The following MAP2K4 variants were observed in gnomAD, a reference collection of about 807,000 sequenced individuals.
MAP2K4 encodes the protein dual specificity mitogen-activated protein kinase kinase 4.
In MAP2K4, 4 loss-of-function variants were observed where a neutral mutation model predicts 48.5. The ratio of observed to expected loss-of-function variants is 0.08; its 90% CI spans 0.04 to 0.19. The LOEUF (loss-of-function observed/expected upper bound fraction) is 0.19, where lower values mean the gene tolerates loss of function less well. MAP2K4 is among the 10% of genes least tolerant of loss of function. The pLI is 1.00. For missense variants in MAP2K4, 258 were observed against 493.3 expected, an observed-to-expected ratio of 0.52 and a Z score of 4.52; for synonymous variants, 166 against 173.1, an observed-to-expected ratio of 0.96 and a Z score of 0.32.
At chr17:12,029,609 G>A (rs1370400640) in intron 1 of MAP2K4, among the ~76,000 whole-genome samples, 1 of 152,074 alleles carries the variant, frequency 6.6e-6, no homozygotes, top group East Asian at 1.9e-4. Context: ...AAGTGAATAG[G>A]AAGTCAGAAT....
intron 2 of MAP2K4, among the ~76,000 whole-genome samples, chr17:12,076,275 A>T (rs1213752978): frequency 1.6e-5 from 2 of 121,768 alleles, no homozygotes; most frequent in Non-Finnish European, 3.5e-5. Context: ...ATTATGTCAC[A>T]GTTCTGTGTG....
At chr17:12,028,341 A>G (rs1026703632) in intron 1 of MAP2K4, among the ~76,000 whole-genome samples, 1 of 152,226 alleles carries the variant, frequency 6.6e-6, no homozygotes, top group African/African-American at 2.4e-5. Context: ...GGATGATTCT[A>G]ACAACCTGGA....
intron 3 of MAP2K4, among the ~76,000 whole-genome samples, chr17:12,094,017 A>G (rs1209145485): frequency 6.6e-6 from 1 of 152,236 alleles, no homozygotes; most frequent in East Asian, 1.9e-4. Context: ...TTGATTTAAA[A>G]GTAAGATTAT....
At chr17:12,036,293 T>C (rs1342401056) in intron 1 of MAP2K4, among the ~76,000 whole-genome samples, 1 of 152,198 alleles carries the variant, frequency 6.6e-6, no homozygotes, top group Non-Finnish European at 1.5e-5. Context: ...TGTAGAGTTA[T>C]AAGTGTAGAG....
At chr17:12,089,213 A>G (rs10432017) in intron 3 of MAP2K4, among the ~76,000 whole-genome samples, 143,444 of 152,186 alleles carry the variant, frequency 0.94, 68,178 homozygotes, top group East Asian at 1. Flanking sequence ...TGCCTGGCTC[A>G]GAATACAGAT....
intron 1 of MAP2K4, among the ~76,000 whole-genome samples, chr17:12,023,028 T>C (rs1171394824): frequency 6.6e-6 from 1 of 152,164 alleles, no homozygotes; most frequent in Non-Finnish European, 1.5e-5. Context: ...TGATACCCAG[T>C]TAACTAAACT....
intron 7 of MAP2K4, among the ~76,000 whole-genome samples, chr17:12,120,510 G>T (rs1972652347): frequency 6.8e-6 from 1 of 146,564 alleles, no homozygotes; most frequent in Non-Finnish European, 1.5e-5. Flanking sequence ...AAGTTTTAAA[G>T]AAAATGGAAA....
intron 7 of MAP2K4, among the ~76,000 whole-genome samples, chr17:12,121,202 CT>C (rs1406892219): frequency 1.3e-5 from 2 of 152,054 alleles, no homozygotes; most frequent in African/African-American, 2.4e-5. Flanking sequence ...TACCTTCAGG[CT>C]ATGTATATAG....
chr17:12,089,801 T>A (rs1275703730), intron 3 of MAP2K4, among the ~76,000 whole-genome samples: 1 of 152,248 alleles, frequency 6.6e-6, no homozygotes, highest in Non-Finnish European at 1.5e-5. Context: ...TTCCCATTTC[T>A]TATGCTCCTC....
chr17:12,056,404 G>GA (rs1370026574), intron 2 of MAP2K4, among the ~76,000 whole-genome samples: 1 of 151,914 alleles, frequency 6.6e-6, no homozygotes, highest in Non-Finnish European at 1.5e-5. Context: ...ACACAGGGTG[G>GA]AAAAAAACTT....
chr17:12,108,359 G>A (rs1972193506), intron 5 of MAP2K4, among the ~76,000 whole-genome samples: 2 of 152,038 alleles, frequency 1.3e-5, no homozygotes, highest in South Asian at 4.1e-4. Context: ...GACAAAGTAT[G>A]TTTACTGTGA....
intron 7 of MAP2K4, 55 bp from the exon 8 acceptor site, chr17:12,125,239 G>A (rs2151587428): frequency 1.5e-6 from 2 of 1,326,526 alleles, no homozygotes; most frequent in African/African-American, 1.4e-5. Flanking sequence ...GCTTCCATTT[G>A]CCTATTCCTT....
chr17:12,133,988 A>G (rs1355540653), intron 9 of MAP2K4, among the ~76,000 whole-genome samples: 2 of 152,252 alleles, frequency 1.3e-5, no homozygotes, highest in Non-Finnish European at 1.5e-5. Flanking sequence ...AGACCTGTAA[A>G]GAAAAGCTCA....
At chr17:12,117,946 TAA>T (rs959201921) in intron 7 of MAP2K4, among the ~76,000 whole-genome samples, 6 of 152,138 alleles carry the variant, frequency 3.9e-5, no homozygotes, top group Admixed American at 1.3e-4. Context: ...GGTAATGTAT[TAA>T]AAGAGTGGAT....
intron 2 of MAP2K4, among the ~76,000 whole-genome samples, chr17:12,067,185 A>G (rs999340716): frequency 6.6e-6 from 1 of 152,242 alleles, no homozygotes; most frequent in East Asian, 1.9e-4. Flanking sequence ...ATATTTAACT[A>G]GTTCCTTATT....
intron 1 of MAP2K4, among the ~76,000 whole-genome samples, chr17:12,048,641 C>A (rs189497476): frequency 6.6e-6 from 1 of 152,010 alleles, no homozygotes; most frequent in Non-Finnish European, 1.5e-5. Context: ...ATCTCTTTTT[C>A]TTTATTTATT....
At chr17:12,027,472 T>G (rs1359710667) in intron 1 of MAP2K4, among the ~76,000 whole-genome samples, 2 of 152,046 alleles carry the variant, frequency 1.3e-5, no homozygotes, top group Admixed American at 6.6e-5. Context: ...GCCAGACATA[T>G]ATATCTGAAC....
chr17:12,129,385 C>G, intron 9 of MAP2K4, 98 bp downstream of exon 9: 1 of 1,396,236 alleles, frequency 7.2e-7, no homozygotes, highest in Non-Finnish European at 1.0e-6. Context: ...AGGAAGGGGA[C>G]CCTTGGTCAC....
chr17:12,128,104 G>C (rs1276349945), intron 8 of MAP2K4, among the ~76,000 whole-genome samples: 2 of 152,198 alleles, frequency 1.3e-5, no homozygotes, highest in Non-Finnish European at 2.9e-5. Flanking sequence ...TTGAGATGGA[G>C]TCTCTCTCTG....
Sources: gnomAD v4.1 joint callset for allele counts (sites outside exome capture counted in the v4.1 genomes callset) on GRCh38, gnomAD v4.1.1 for gene constraint, MANE v1.5 for transcripts, NCBI Gene and HGNC (gene_info 2026-07-23, HGNC 2026-07-21) for gene names.